NPEPPS: variants seen among roughly 807,000 people sequenced by gnomAD.
NPEPPS encodes aminopeptidase puromycin sensitive.
NPEPPS carries 14 observed loss-of-function variants against 115.5 expected under a neutral mutation model. That is an observed-to-expected ratio of 0.12 (90% CI 0.08 to 0.19). The LOEUF (loss-of-function observed/expected upper bound fraction) is 0.19, where lower values mean the gene tolerates loss of function less well. Ranked by LOEUF, NPEPPS falls within the 10% of genes least tolerant of loss-of-function variation. The pLI is 1.00. For missense variants in NPEPPS, 523 were observed against 1,110.8 expected, an observed-to-expected ratio of 0.47 and a Z score of 7.52; for synonymous variants, 285 against 390.6, an observed-to-expected ratio of 0.73 and a Z score of 3.19.
chr17:47,562,315 G>A (rs1282513067), intron 2 of NPEPPS, among the ~76,000 whole-genome samples: 1 of 152,114 alleles, frequency 6.6e-6, no homozygotes, highest in African/African-American at 2.4e-5. Context: ...TCAGCCTGTG[G>A]GATCTAATGC....
chr17:47,562,136 G>C (rs191755105), intron 2 of NPEPPS, among the ~76,000 whole-genome samples: 1 of 152,166 alleles, frequency 6.6e-6, no homozygotes, highest in African/African-American at 2.4e-5. Flanking sequence ...TAATAAACCA[G>C]TACACGTGTT....
intron 3 of NPEPPS, among the ~76,000 whole-genome samples, chr17:47,575,963 A>G (rs1204733830): frequency 6.6e-6 from 1 of 152,066 alleles, no homozygotes; most frequent in Non-Finnish European, 1.5e-5. Flanking sequence ...ACATTTTCCC[A>G]AGGTTTGCTT....
At chr17:47,575,199 G>A (rs1911440055) in intron 3 of NPEPPS, among the ~76,000 whole-genome samples, 1 of 152,164 alleles carries the variant, frequency 6.6e-6, no homozygotes, top group Non-Finnish European at 1.5e-5. Flanking sequence ...TCAACAGAAT[G>A]AAATGAAATT....
At chr17:47,559,354 T>C (rs1211846284) in intron 2 of NPEPPS, among the ~76,000 whole-genome samples, 1 of 152,190 alleles carries the variant, frequency 6.6e-6, no homozygotes, top group African/African-American at 2.4e-5. Flanking sequence ...TTTTTTCTTA[T>C]TACATATTTT....
chr17:47,599,601 C>T (rs999136822), intron 13 of NPEPPS, 75 bp from the exon 14 acceptor site: 79 of 1,127,394 alleles, frequency 7.0e-5, no homozygotes, highest in Admixed American at 1.0e-4. Context: ...AATGTTGTCT[C>T]CCTCCTCTTC....
Position 47,623,030 on chromosome 17 carries a change from C to A in NPEPPS, c.*1110C>A. On this transcript the variant is annotated 3_prime_UTR_variant, in exon 23 of 23. Coordinates refer to ENST00000322157, the MANE Select transcript of NPEPPS (RefSeq NM_006310.4). Reference sequence around the variant, plus strand: ...TTCAACAGTATATCCTAATAAGCCTCACCTATTTAATCCAATGAGTTTTAA... The same window carrying A: ...TTCAACAGTATATCCTAATAAGCCTAACCTATTTAATCCAATGAGTTTTAA... The A allele has an allele frequency of 5.1e-6, 2 of 388,866 alleles. No individual in the cohort carries two copies. Among genetic ancestry groups the A allele is most frequent in the Admixed American group, 3.3e-5 (1 of 30,626 alleles). The allele number at this position is 388,866 out of a possible 1,614,324, so 24.1% of individuals were successfully genotyped here. A position where few individuals can be genotyped will look rare whatever the true frequency, so the allele number is the denominator to read the frequency against.
At chr17:47,597,333 G>T (rs1912941987) in intron 13 of NPEPPS, among the ~76,000 whole-genome samples, 1 of 152,126 alleles carries the variant, frequency 6.6e-6, no homozygotes, top group South Asian at 2.1e-4. Context: ...ATCCTTTAAT[G>T]CCTACCAAAA....
At chr17:47,602,323 T>C (rs946778685) in intron 15 of NPEPPS, among the ~76,000 whole-genome samples, 2 of 150,508 alleles carry the variant, frequency 1.3e-5, no homozygotes, top group Non-Finnish European at 2.9e-5. Flanking sequence ...ACATTTGTGC[T>C]TTTTTTTAAA....
At chr17:47,535,463 A>G (rs1396505882) in intron 1 of NPEPPS, among the ~76,000 whole-genome samples, 1 of 148,954 alleles carries the variant, frequency 6.7e-6, no homozygotes, top group Admixed American at 6.7e-5. Flanking sequence ...AGGCAGGAGA[A>G]TGGTGTGAAC....
At position 47,590,704 on chromosome 17, in the gene NPEPPS, C is replaced by T. The variant is rs1398987207; in HGVS notation, c.1096-13C>T. On this transcript the variant is annotated splice_polypyrimidine_tract_variant and intron_variant, in intron 9 of 22. Transcript: ENST00000322157. ...TTTCATTTTCTTTAAGTATTTTCATCTTTTGTTTTTAGGAATGGTGGACTC... is the reference window on the plus strand; with the variant it reads ...TTTCATTTTCTTTAAGTATTTTCATTTTTTGTTTTTAGGAATGGTGGACTC... The T allele has an allele frequency of 6.2e-7, 1 of 1,609,340 alleles. No individual in the cohort carries two copies. Among genetic ancestry groups the T allele is most frequent in the South Asian group, 1.1e-5 (1 of 90,766 alleles).
chr17:47,542,817 A>G (rs986354796), intron 1 of NPEPPS, among the ~76,000 whole-genome samples: 1 of 152,188 alleles, frequency 6.6e-6, no homozygotes, highest in Non-Finnish European at 1.5e-5. Flanking sequence ...AAATAAATGC[A>G]TATAAGCAAG....
chr17:47,593,915 G>C (rs1285364470), intron 12 of NPEPPS, among the ~76,000 whole-genome samples: 1 of 152,220 alleles, frequency 6.6e-6, no homozygotes, highest in Non-Finnish European at 1.5e-5. Context: ...AGCACTTTGG[G>C]AGGCTGGGGC....
Position 47,556,700 on chromosome 17 carries a change from G to A in NPEPPS, c.340+10707G>A, listed in dbSNP as rs866543214. On this transcript the variant is annotated intron_variant, in intron 2 of 22. Coordinates refer to ENST00000322157, the MANE Select transcript of NPEPPS (RefSeq NM_006310.4). ...CACCTCCCGGACGGGGCGGCTGGCC[G>A]GGTGGGGGCTGCCCCCCGCCTCCCT... 5.3e-5 allele frequency among the ~76,000 whole-genome samples: 8 copies of A among 152,144 alleles called. 1 individual carries two copies. Among genetic ancestry groups the A allele is most frequent in the South Asian group, 4.1e-4 (2 of 4,828 alleles).
At chr17:47,607,727 CTA>C (rs1214157653) in intron 17 of NPEPPS, among the ~76,000 whole-genome samples, 1 of 152,186 alleles carries the variant, frequency 6.6e-6, no homozygotes, top group Non-Finnish European at 1.5e-5. Flanking sequence ...GCAACTGAAA[CTA>C]TTTGGTGAAG....
intron 19 of NPEPPS, among the ~76,000 whole-genome samples, chr17:47,613,935 C>T (rs1914032547): frequency 6.6e-6 from 1 of 151,910 alleles, no homozygotes; most frequent in Non-Finnish European, 1.5e-5. Context: ...TCTTACTTTT[C>T]CCCGCCTTTT....
rs9902654 is a variant in NPEPPS, at chr17:47,586,014, G to A, written c.850-134G>A. On this transcript the variant is annotated intron_variant, in intron 6 of 22. Coordinates refer to ENST00000322157, the MANE Select transcript of NPEPPS (RefSeq NM_006310.4). Reference sequence around the variant, plus strand: ...AAAGTTTGGAGCTAAGGCAGTCTTCGGAGGGTAGGGCTCCTCGGGATTCAT... The same window carrying A: ...AAAGTTTGGAGCTAAGGCAGTCTTCAGAGGGTAGGGCTCCTCGGGATTCAT... 1.8e-3 allele frequency: 1,757 copies of A among 962,360 alleles called. 23 individuals carry two copies. In the African/African-American group the frequency reaches 0.028, roughly 15 times the overall value. 59.6% of individuals were successfully genotyped at this position (962,360 alleles called of 1,614,324 possible).
chr17:47,537,787 A>T (rs1908410472), intron 1 of NPEPPS, among the ~76,000 whole-genome samples: 1 of 151,768 alleles, frequency 6.6e-6, no homozygotes, highest in African/African-American at 2.4e-5. Flanking sequence ...CTCATAGTGT[A>T]GGTTTGTTTC....
At chr17:47,593,310 C>T (rs1241521079) in intron 12 of NPEPPS, among the ~76,000 whole-genome samples, 3 of 152,154 alleles carry the variant, frequency 2.0e-5, no homozygotes, top group African/African-American at 7.2e-5. Context: ...GCCTGTAATC[C>T]TAGCACTTTG....
chr17:47,597,248 T>C (rs769446720), intron 13 of NPEPPS, among the ~76,000 whole-genome samples: 5 of 152,182 alleles, frequency 3.3e-5, no homozygotes, highest in Non-Finnish European at 2.9e-5. Flanking sequence ...AATTCATTAA[T>C]TGAACTGTTA....
Sources: gnomAD v4.1 joint callset for allele counts (sites outside exome capture counted in the v4.1 genomes callset) on GRCh38, gnomAD v4.1.1 for gene constraint, MANE v1.5 for transcripts, NCBI Gene and HGNC (gene_info 2026-07-23, HGNC 2026-07-21) for gene names.